The following GLI3 variants were observed in gnomAD, a reference collection of about 807,000 sequenced individuals.
GLI3 encodes transcription activator GLI3.
A neutral mutation model predicts 100.8 loss-of-function variants in GLI3; 20 were observed. The observed-to-expected ratio is 0.20, with a 90% CI of 0.14 to 0.29. The LOEUF is 0.29. Ranked by LOEUF, GLI3 falls within the 10% of genes least tolerant of loss-of-function variation. The pLI is 1.00. For missense variants in GLI3, 2,040 were observed against 2,128.5 expected, an observed-to-expected ratio of 0.96 and a Z score of 0.82; for synonymous variants, 938 against 860.5, an observed-to-expected ratio of 1.09 and a Z score of -1.58.
At chr7:42,150,595 T>C (rs1475640695) in intron 2 of GLI3, among the ~76,000 whole-genome samples, 1 of 152,204 alleles carries the variant, frequency 6.6e-6, no homozygotes, top group Non-Finnish European at 1.5e-5. Flanking sequence ...GACCTTCATT[T>C]GGAGGCCAGA....
At chr7:42,251,566 G>T (rs1452078048) in intron 1 of GLI3, among the ~76,000 whole-genome samples, 1 of 152,102 alleles carries the variant, frequency 6.6e-6, no homozygotes. Flanking sequence ...CACACACTAG[G>T]CTAAGGGAAG....
intron 3 of GLI3, among the ~76,000 whole-genome samples, chr7:42,117,620 C>T (rs1785891910): frequency 1.3e-5 from 2 of 152,260 alleles, no homozygotes; most frequent in Middle Eastern, 3.4e-3. Flanking sequence ...GGCCAGGACT[C>T]GTTAGTGAAA....
chr7:42,110,785 C>T (rs148056403), intron 3 of GLI3, among the ~76,000 whole-genome samples: 251 of 152,288 alleles, frequency 1.6e-3, no homozygotes, highest in African/African-American at 5.6e-3. Flanking sequence ...ATGGAACCGA[C>T]ACATTTTGTT....
At chr7:42,039,856 G>A (rs113506438) in intron 7 of GLI3, among the ~76,000 whole-genome samples, 182 bp downstream of exon 7, 38 of 152,256 alleles carry the variant, frequency 2.5e-4, no homozygotes, top group African/African-American at 8.2e-4. Context: ...AAATAATCTG[G>A]GGCCCAATAA....
In GLI3 at chr7:41,978,737, G is replaced by A. The variant is rs34020684; in HGVS notation, c.1509C>T (p.Asn503=). The A allele has an allele frequency of 0.049, 79,464 of 1,612,408 alleles. 2,177 individuals carry two copies. Among genetic ancestry groups the A allele is most frequent in the Non-Finnish European group, 0.056 (66,350 of 1,178,432 alleles). The change falls in exon 11 of 15, where the codon AAC becomes AAT. Residue 503 remains asparagine (N), a synonymous_variant. Transcript: ENST00000395925. Reference sequence around the variant, plus strand: ...CCTTCTTCTCTCCATGAATATGGTCGTTATTTATATGCTGGGGTTTGGAAA... The same window carrying A: ...CCTTCTTCTCTCCATGAATATGGTCATTATTTATATGCTGGGGTTTGGAAA... The part of the protein sequence containing the change: ...TQEQLVHHIN[N]DHIHGEKKEF...
At chr7:42,176,054 G>A (rs73327538) in intron 2 of GLI3, among the ~76,000 whole-genome samples, 2,377 of 152,166 alleles carry the variant, frequency 0.016, 66 homozygotes, top group African/African-American at 0.055. Context: ...CTTGTCAACT[G>A]AGCTCCAAGT....
chr7:41,965,744 T>G lies in GLI3; in HGVS notation c.3329A>C (p.Gln1110Pro). ...GTCCGGGAGGGCGCTGGGGAAGTGC[T>G]GCTCGTACCCTGCTTGGTTCTGGGA... ...LNSQNQAGYE[Q>P]HFPSALPDDS... Residue 1110 changes from glutamine (Q) to proline (P), a missense_variant, in exon 15 of 15, where the codon CAG becomes CCG. This residue lies in a region of GLI3 where 1,041 missense variants were observed against 924.0 expected (regional missense o/e 1.13). Transcript: ENST00000395925. The G allele has an allele frequency of 6.2e-7, 1 of 1,613,578 alleles. No homozygotes were observed. The highest frequency in any genetic ancestry group is 8.5e-7 in the Non-Finnish European group (1 of 1,179,938).
chr7:42,019,928 G>C (rs1054293939), intron 10 of GLI3, among the ~76,000 whole-genome samples: 2 of 152,036 alleles, frequency 1.3e-5, no homozygotes, highest in Non-Finnish European at 2.9e-5. Context: ...CTTAGCTTCT[G>C]GTCACAGAAG....
chr7:42,210,491 C>T (rs964376052), intron 2 of GLI3, among the ~76,000 whole-genome samples: 5 of 152,024 alleles, frequency 3.3e-5, no homozygotes, highest in East Asian at 1.9e-4. Context: ...CTCCCTGCCC[C>T]CAGAGCAGTG....
chr7:42,216,346 G>A (rs1463740617), intron 2 of GLI3, among the ~76,000 whole-genome samples: 1 of 152,188 alleles, frequency 6.6e-6, no homozygotes, highest in African/African-American at 2.4e-5. Flanking sequence ...TGAAGGAAGG[G>A]ACAGGATAAA....
intron 2 of GLI3, among the ~76,000 whole-genome samples, chr7:42,214,862 TAAAAAA>T (rs34437341): frequency 1.7e-5 from 2 of 119,028 alleles, no homozygotes; most frequent in Non-Finnish European, 1.7e-5. Flanking sequence ...CACTGGATGC[TAAAAAA>T]AAAAAAAAAA....
At chr7:41,975,600 AT>A (rs1787487245) in intron 12 of GLI3, among the ~76,000 whole-genome samples, 1 of 152,370 alleles carries the variant, frequency 6.6e-6, no homozygotes, top group Middle Eastern at 3.4e-3. Flanking sequence ...AGATATCCTT[AT>A]CTTTTAATCT....
intron 10 of GLI3, among the ~76,000 whole-genome samples, chr7:42,020,225 A>C (rs965518039): frequency 6.6e-6 from 1 of 152,234 alleles, no homozygotes; most frequent in African/African-American, 2.4e-5. Flanking sequence ...AAGTCAGCCA[A>C]GTTTCTAATT....
chr7:42,247,570 C>G (rs1239224604), intron 1 of GLI3, among the ~76,000 whole-genome samples: 1 of 152,244 alleles, frequency 6.6e-6, no homozygotes. Context: ...CACCAGGCGT[C>G]TGCTTCTTAT....
At position 42,111,143 on chromosome 7, in the gene GLI3, A is replaced by G. The variant is rs541706401; in HGVS notation, c.368-34286T>C. On this transcript the variant is annotated intron_variant, in intron 3 of 14. Transcript: ENST00000395925. Reference sequence around the variant, plus strand: ...CTGAAATAAATAATAAGTAAATAACAACTTGCATAGTCTATCAACCCTTAT... The same window carrying G: ...CTGAAATAAATAATAAGTAAATAACGACTTGCATAGTCTATCAACCCTTAT... 2.6e-5 allele frequency among the ~76,000 whole-genome samples: 4 copies of G among 152,352 alleles called. No homozygotes were observed. The South Asian group carries it at 8.3e-4, about 32-fold the overall frequency.
chr7:42,236,932 G>C (rs1788813850), intron 1 of GLI3, 39 bp downstream of exon 1: 1 of 152,130 alleles, frequency 6.6e-6, no homozygotes, highest in African/African-American at 2.4e-5. Context: ...GGAGCGGGCT[G>C]CGGGGTCCGC....
Position 42,237,161 on chromosome 7 carries a change from A to AGAGCGGCGCGGGTGAGTGG in GLI3, c.-252_-234dup, listed in dbSNP as rs1788822813. 1.3e-5 allele frequency: 2 copies of AGAGCGGCGCGGGTGAGTGG among 149,412 alleles called. No homozygotes were observed. Among genetic ancestry groups the AGAGCGGCGCGGGTGAGTGG allele is most frequent in the South Asian group, 3.7e-4 (2 of 5,444 alleles). 9.3% of individuals were successfully genotyped at this position (149,412 alleles called of 1,614,324 possible). On this transcript the variant is annotated 5_prime_UTR_variant, in exon 1 of 15. Transcript: ENST00000395925. ...CCGCGGGGCGCGCGGGGAAGGCGGG[A>AGAGCGGCGCGGGTGAGTGG]GAGCGGCGCGGGTGAGTGGGAGCGG... is the stretch of plus-strand genomic sequence containing the variant.
At position 41,966,094 on chromosome 7, in the gene GLI3, C is replaced by T. The variant is rs747280859; in HGVS notation, c.2979G>A (p.Gln993=). The change falls in exon 15 of 15, where the codon CAG becomes CAA. Residue 993 remains glutamine, a synonymous_variant. Coordinates refer to ENST00000395925, the MANE Select transcript of GLI3 (RefSeq NM_000168.6). The surrounding 1 kb of genome is among the most constrained non-coding windows in gnomAD (Gnocchi z 5.8). ...CGCCGTGGCCCGGCGCATCGTGCGG[C>T]TGCAGGTGGCGCCGCCCGTAGCCGT... The part of the protein sequence containing the change: ...GAHGYGRRHL[Q]PHDAPGHGVR... 11 of 1,571,110 alleles carry T rather than the reference C, an allele frequency of 7.0e-6. No individual in the cohort carries two copies. The highest frequency in any genetic ancestry group is 8.6e-6 in the Non-Finnish European group (10 of 1,164,570).
At chr7:42,089,368 T>C (rs1207538705) in intron 3 of GLI3, among the ~76,000 whole-genome samples, 1 of 152,226 alleles carries the variant, frequency 6.6e-6, no homozygotes, top group African/African-American at 2.4e-5. Flanking sequence ...AGCATGATAA[T>C]ACGGGATTTA....
Sources: allele counts gnomAD v4.1 joint callset (sites outside exome capture counted in the v4.1 genomes callset), GRCh38; gene constraint gnomAD v4.1.1; regional missense constraint gnomAD v4.1.1; non-coding constraint Gnocchi (gnomAD v3.1); transcripts MANE v1.5; gene names NCBI Gene and HGNC (gene_info 2026-07-23, HGNC 2026-07-21).